Variants in RASSF5 observed in about 807,000 individuals in gnomAD.
RASSF5 encodes the protein ras association domain-containing protein 5.
In RASSF5, 25 loss-of-function variants were observed where a neutral mutation model predicts 40.5. That is an observed-to-expected ratio of 0.62 (90% confidence interval 0.45 to 0.86). RASSF5 has a LOEUF of 0.86. Ranked by LOEUF, RASSF5 falls within the 40% of genes least tolerant of loss-of-function variation. The pLI, the probability that RASSF5 is intolerant of heterozygous loss-of-function variation, is 0.00. For missense variants in RASSF5, 521 were observed against 572.8 expected (o/e 0.91, Z 0.92); for synonymous variants, 246 against 252.4 (o/e 0.97, Z 0.24).
chr1:206,574,935 A>C (rs782014518), intron 2 of RASSF5, among the ~76,000 whole-genome samples: 2 of 147,552 alleles, frequency 1.4e-5, no homozygotes, highest in East Asian at 2.0e-4. Context: ...TCTTGGCTCA[A>C]TGCAACCTCT....
chr1:206,556,132 G>A (rs1572337273), intron 2 of RASSF5, among the ~76,000 whole-genome samples: 1 of 152,200 alleles, frequency 6.6e-6, no homozygotes, highest in South Asian at 2.1e-4. Flanking sequence ...TTTCCCTGCC[G>A]GGACTCCAGC....
chr1:206,507,829 C>T lies in RASSF5; in HGVS notation c.227C>T (p.Ala76Val). The T allele has an allele frequency of 7.0e-7, 1 of 1,425,258 alleles. No homozygotes were observed. The highest frequency in any genetic ancestry group is 9.1e-7 in the Non-Finnish European group (1 of 1,096,616). The allele number at this position is 1,425,258 out of a possible 1,614,324, so 88.3% of individuals were successfully genotyped here. Residue 76 changes from alanine (A) to valine (V), a missense_variant, in exon 1 of 6, where the codon GCC becomes GTC. Ala to Val is a moderately conservative substitution (Grantham distance 64). Around this residue, in one of 2 missense-constraint regions of RASSF5, gnomAD observed 237 missense variants for 212.0 expected, o/e 1.12. Coordinates refer to ENST00000579436, the MANE Select transcript of RASSF5 (RefSeq NM_182663.4). ...ARGNLEPPPR[A>V]SRPARPLRPG... ...GGGAACCTGGAGCCCCCGCCCCGGG[C>T]CTCCCGACCCGCTCGCCCGCTCCGG... is the stretch of plus-strand genomic sequence containing the variant.
rs919753119 is a variant in RASSF5, at chr1:206,535,741, T to A, written c.458-2431T>A. 5.6e-4 allele frequency among the ~76,000 whole-genome samples: 75 copies of A among 133,440 alleles called. No individual in the cohort carries two copies. Among genetic ancestry groups the A allele is most frequent in the Admixed American group, 1.0e-3 (14 of 13,334 alleles). The allele number at this position is 133,440 out of a possible 152,430, so 87.5% of individuals were successfully genotyped here. ...GTGTGTGTGTGTGTGTGTGTGTGTG[T>A]GTGAGAGAGAGAGAGAGAGATGGAA... On this transcript the variant is annotated intron_variant, in intron 1 of 5. Coordinates refer to ENST00000579436, the MANE Select transcript of RASSF5 (RefSeq NM_182663.4). This position sits in a 1 kb window ranked among gnomAD's most constrained non-coding sequence, Gnocchi z 5.0.
chr1:206,550,604 A>G (rs1553400919), intron 2 of RASSF5, among the ~76,000 whole-genome samples: 1 of 152,188 alleles, frequency 6.6e-6, no homozygotes, highest in East Asian at 1.9e-4. Context: ...TGTTGTGGCA[A>G]CTGTATAAAA....
At chr1:206,521,789 C>A (rs1433959397) in intron 1 of RASSF5, among the ~76,000 whole-genome samples, 3 of 152,220 alleles carry the variant, frequency 2.0e-5, no homozygotes, top group Non-Finnish European at 4.4e-5. Flanking sequence ...CAGGGTCCTC[C>A]GTCTGTCTTC....
intron 5 of RASSF5, 132 bp downstream of exon 5, chr1:206,585,427 A>G (rs1394561323): frequency 3.0e-5 from 21 of 703,300 alleles, no homozygotes; most frequent in Non-Finnish European, 4.9e-5. Flanking sequence ...TGAGAGAGTG[A>G]GCAGGGGTGG....
At position 206,507,789 on chromosome 1, in the gene RASSF5, C is replaced by T. The variant is rs1022123030; in HGVS notation, c.187C>T (p.Arg63Trp). 3.7e-5 allele frequency: 52 copies of T among 1,390,704 alleles called. No individual in the cohort carries two copies. The East Asian group carries it at 1.6e-3, about 42-fold the overall frequency. The allele number at this position is 1,390,704 out of a possible 1,614,324, so 86.1% of individuals were successfully genotyped here. ...APGAREGRSA[R>W]RAARGNLEPP... is the part of the protein sequence containing the mutation. The stretch of plus-strand genomic sequence containing the variant: ...CGGGGCGCGCGAGGGGCGCAGCGCC[C>T]GGAGGGCTGCCCGGGGGAACCTGGA... The change falls in exon 1 of 6, where the codon CGG becomes TGG. Residue 63 changes from arginine to tryptophan, a missense_variant. This residue lies in a region of RASSF5 where 237 missense variants were observed against 212.0 expected (regional missense o/e 1.12). Coordinates refer to ENST00000579436, the MANE Select transcript of RASSF5 (RefSeq NM_182663.4).
rs782675465 is a variant in RASSF5, at chr1:206,583,385, C to T, written c.690+6C>T. On this transcript the variant is annotated splice_donor_region_variant and intron_variant, in intron 3 of 5. Coordinates refer to ENST00000579436, the MANE Select transcript of RASSF5 (RefSeq NM_182663.4). ...ACTGCCTGGGCATGAAACTGGTAAG[C>T]GCCCGTCCACCCTCAACCTGGCCCC... is the stretch of plus-strand genomic sequence containing the variant. The T allele has an allele frequency of 3.1e-5, 49 of 1,593,064 alleles. No homozygotes were observed. The highest frequency in any genetic ancestry group is 3.5e-5 in the Non-Finnish European group (41 of 1,161,014).
intron 2 of RASSF5, among the ~76,000 whole-genome samples, chr1:206,549,977 T>C (rs997753944): frequency 7.9e-5 from 12 of 152,188 alleles, no homozygotes; most frequent in Non-Finnish European, 1.6e-4. Context: ...TGCAGTTCTC[T>C]CTCTCTGCAG....
chr1:206,532,118 C>G (rs1667258589), intron 1 of RASSF5, among the ~76,000 whole-genome samples: 1 of 152,032 alleles, frequency 6.6e-6, no homozygotes, highest in Non-Finnish European at 1.5e-5. Flanking sequence ...TCAGATTTCC[C>G]TGTAGTGCCT....
chr1:206,531,572 T>C lies in RASSF5; in HGVS notation c.458-6600T>C, dbSNP rs1196394357. ...CGCTGGAGACCCTCTCTGGGTGTTC[T>C]TGGAGCTGCCATAGCTGGTCCAGCC... On this transcript the variant is annotated intron_variant, in intron 1 of 5. Transcript: ENST00000579436. This position sits in a 1 kb window ranked among gnomAD's most constrained non-coding sequence, Gnocchi z 4.7. 1.3e-5 allele frequency among the ~76,000 whole-genome samples: 2 copies of C among 152,166 alleles called. No homozygotes were observed. Among genetic ancestry groups the C allele is most frequent in the Non-Finnish European group, 2.9e-5 (2 of 68,024 alleles).
At position 206,584,208 on chromosome 1, in the gene RASSF5, C is replaced by T. The variant is rs2103571161; in HGVS notation, c.691-179C>T. Reference sequence around the variant, plus strand: ...TTGGTAGCTGGATCCTGAGGGTCTTCTCCCAGCCCACTATGGGGAAAGGGA... The same window carrying T: ...TTGGTAGCTGGATCCTGAGGGTCTTTTCCCAGCCCACTATGGGGAAAGGGA... On this transcript the variant is annotated intron_variant, in intron 3 of 5. Coordinates refer to ENST00000579436, the MANE Select transcript of RASSF5 (RefSeq NM_182663.4). This position sits in a 1 kb window ranked among gnomAD's most constrained non-coding sequence, Gnocchi z 4.9. 6.6e-6 allele frequency among the ~76,000 whole-genome samples: 1 copy of T among 152,340 alleles called. No homozygotes were observed. The highest frequency in any genetic ancestry group is 2.1e-4 in the South Asian group (1 of 4,834).
At chr1:206,563,928 T>C (rs1352890031) in intron 2 of RASSF5, among the ~76,000 whole-genome samples, 1 of 152,134 alleles carries the variant, frequency 6.6e-6, no homozygotes, top group Admixed American at 6.5e-5. Flanking sequence ...AGCTGAACTC[T>C]TATTTCAAGG....
chr1:206,565,073 A>T (rs186219718), intron 2 of RASSF5, among the ~76,000 whole-genome samples: 40 of 152,186 alleles, frequency 2.6e-4, no homozygotes, highest in Non-Finnish European at 4.4e-4. Flanking sequence ...CAGATACCTT[A>T]AATTTAGTAT....
chr1:206,583,073 C>T (rs926781874), intron 2 of RASSF5, 196 bp from the exon 3 acceptor site: 8 of 526,978 alleles, frequency 1.5e-5, no homozygotes, highest in Admixed American at 6.4e-5. Context: ...GTTACTTCTC[C>T]AGGAGGGCTG....
In RASSF5 at chr1:206,581,017, T is replaced by A. The variant is rs557503074; in HGVS notation, c.580-2252T>A. 10 of 152,368 alleles carry A rather than the reference T, an allele frequency of 6.6e-5. No homozygotes were observed. The East Asian group carries it at 1.5e-3, about 24-fold the overall frequency. The allele number at this position is 152,368 out of a possible 1,614,324, so 9.4% of individuals were successfully genotyped here. A position where few individuals can be genotyped will look rare whatever the true frequency, so the allele number is the denominator to read the frequency against. ...TTATGGGTGTGGCAGGCCGGCCCCT[T>A]CAGCAAAAGATGCCGTCCCATGGTG... On this transcript the variant is annotated intron_variant, in intron 2 of 5. Coordinates refer to ENST00000579436, the MANE Select transcript of RASSF5 (RefSeq NM_182663.4).
intron 1 of RASSF5, among the ~76,000 whole-genome samples, chr1:206,522,692 C>T (rs1451942018): frequency 1.3e-5 from 2 of 152,154 alleles, no homozygotes; most frequent in Admixed American, 6.5e-5. Context: ...CACATTTTCT[C>T]CTGGCCATCA....
At chr1:206,555,558 A>C (rs1379994518) in intron 2 of RASSF5, among the ~76,000 whole-genome samples, 1 of 152,146 alleles carries the variant, frequency 6.6e-6, no homozygotes, top group Non-Finnish European at 1.5e-5. Context: ...GCTCCAGACA[A>C]AGCCAGAACC....
At chr1:206,508,352 A>T (rs1358748125) in intron 1 of RASSF5, among the ~76,000 whole-genome samples, 4 of 150,588 alleles carry the variant, frequency 2.7e-5, no homozygotes, top group Admixed American at 1.3e-4. Flanking sequence ...ACACACACAC[A>T]CACTCGCACA....
Sources: allele counts gnomAD v4.1 joint callset (sites outside exome capture counted in the v4.1 genomes callset), GRCh38; gene constraint gnomAD v4.1.1; regional missense constraint gnomAD v4.1.1; non-coding constraint Gnocchi (gnomAD v3.1); transcripts MANE v1.5; gene names NCBI Gene and HGNC (gene_info 2026-07-23, HGNC 2026-07-21).